TPR: variants seen among roughly 807,000 people sequenced by gnomAD.
The protein encoded by TPR is nucleoprotein TPR.
Under a neutral mutation model 316.1 loss-of-function variants are expected in TPR, and 51 were observed. The ratio of observed to expected loss-of-function variants is 0.16; its 90% CI spans 0.13 to 0.20. The LOEUF (loss-of-function observed/expected upper bound fraction) is 0.20. Ranked by LOEUF, TPR falls within the 10% of genes least tolerant of loss-of-function variation. The pLI is 1.00. For synonymous variants in TPR, 981 were observed against 914.7 expected, an observed-to-expected ratio of 1.07 and a Z score of -1.31; for missense variants, 2,272 against 2,754.8, an observed-to-expected ratio of 0.82 and a Z score of 3.92.
chr1:186,343,184 T>C, intron 27 of TPR, 142 bp downstream of exon 27: 2 of 1,151,976 alleles, frequency 1.7e-6, no homozygotes, highest in Non-Finnish European at 2.4e-6. Flanking sequence ...TATATTAGTG[T>C]TTAACAAATG....
chr1:186,352,592 C>T (rs936864837), intron 18 of TPR, among the ~76,000 whole-genome samples: 1 of 152,092 alleles, frequency 6.6e-6, no homozygotes, highest in Admixed American at 6.6e-5. Context: ...TTTGAAAGCT[C>T]AAAGTACTCA....
At position 186,338,104 on chromosome 1, in the gene TPR, T is replaced by C; in HGVS notation, c.4291A>G (p.Ile1431Val). The change falls in exon 31 of 51, where the codon ATT (isoleucine) becomes GTT (valine). Residue 1431 changes from isoleucine (I) to valine (V), a missense_variant. Coordinates refer to ENST00000367478, the MANE Select transcript of TPR (RefSeq NM_003292.3). ...IIDIQEKVKT[I>V]TQVKKIGRRY... ...CGTCCAATTTTCTTAACTTGAGTAA[T>C]AGTTTTGACTTTTTCTTGGATATCA... is the stretch of plus-strand genomic sequence containing the variant. 1.9e-6 allele frequency: 3 copies of C among 1,612,758 alleles called. No homozygotes were observed. Among genetic ancestry groups the C allele is most frequent in the Non-Finnish European group, 2.5e-6 (3 of 1,179,498 alleles).
intron 37 of TPR, 77 bp from the exon 38 acceptor site, chr1:186,332,420 C>T: frequency 6.8e-7 from 1 of 1,470,068 alleles, no homozygotes; most frequent in Non-Finnish European, 9.3e-7. Context: ...CCAATATGGT[C>T]ACTTAACTAA....
At chr1:186,336,430 T>TA in intron 33 of TPR, 66 bp downstream of exon 33, 5 of 1,454,316 alleles carry the variant, frequency 3.4e-6, no homozygotes, top group Non-Finnish European at 4.8e-6. Context: ...CTATTCCATT[T>TA]AGTTTTAGGC....
At chr1:186,337,625 C>A (rs1658380317) in intron 31 of TPR, among the ~76,000 whole-genome samples, 1 of 151,696 alleles carries the variant, frequency 6.6e-6, no homozygotes, top group Admixed American at 6.6e-5. Context: ...AAATTCCTTA[C>A]CTTCAGGAAT....
At position 186,335,553 on chromosome 1, in the gene TPR, T is replaced by TA. The variant is rs549012305; in HGVS notation, c.4706-11dup. On this transcript the variant is annotated splice_polypyrimidine_tract_variant and intron_variant, in intron 33 of 50. Transcript: ENST00000367478. ...AGCTGATCTTTTACACCTAAAGAAG[T>TA]AACCAGGCGATTATATTAATATTAT... The TA allele has an allele frequency of 3.7e-4, 580 of 1,564,848 alleles. 2 individuals are homozygous for TA. In the African/African-American group the frequency reaches 6.7e-3, roughly 18 times the overall value.
rs1448220109 is a variant in TPR at position 186,345,696 on chromosome 1, A to C, written c.3097T>G (p.Leu1033Val). Residue 1033 changes from leucine to valine, a missense_variant and splice_region_variant, in exon 24 of 51, where the codon TTA becomes GTA. Leu to Val is a conservative substitution (Grantham distance 32). Around this residue, in one of 10 missense-constraint regions of TPR, gnomAD observed 757 missense variants for 859.8 expected, o/e 0.88. Transcript: ENST00000367478. The part of the protein sequence containing the change: ...RRAIESMEQQ[L>V]SELKKTLSSV... The stretch of plus-strand genomic sequence containing the variant: ...GAAAGTGTTTTCTTCAATTCAGATA[A>C]CTAAGCAGAAAGAACAAGATTAAAA... The C allele has an allele frequency of 6.2e-7, 1 of 1,601,768 alleles. No individual in the cohort carries two copies. The highest frequency in any genetic ancestry group is 1.1e-5 in the South Asian group (1 of 90,692).
intron 29 of TPR, among the ~76,000 whole-genome samples, 196 bp from the exon 30 acceptor site, chr1:186,339,968 GA>G (rs555429055): frequency 8.1e-5 from 12 of 148,346 alleles, no homozygotes; most frequent in African/African-American, 3.0e-4. Flanking sequence ...AATACAAGAG[GA>G]AAAAAAAATA....
chr1:186,315,940 C>T (rs1657599619), intron 49 of TPR, among the ~76,000 whole-genome samples: 1 of 149,702 alleles, frequency 6.7e-6, no homozygotes, highest in African/African-American at 2.5e-5. Context: ...TAAATGTCAC[C>T]TTCTCTTAGT....
chr1:186,352,055 C>A lies in TPR; in HGVS notation c.2390G>T (p.Arg797Leu). The A allele has an allele frequency of 6.2e-7, 1 of 1,609,778 alleles. No individual in the cohort carries two copies. Among genetic ancestry groups the A allele is most frequent in the Non-Finnish European group, 8.5e-7 (1 of 1,178,424 alleles). ...EKEMLKLSEV[R>L]LSQQRESLLA... ...CAAAGACTCTCTTTGCTGAGAAAGACGAACTTCAGACAATTTAAGCATTTC... is the reference window on the plus strand; with the variant it reads ...CAAAGACTCTCTTTGCTGAGAAAGAAGAACTTCAGACAATTTAAGCATTTC... Residue 797 changes from arginine to leucine, a missense_variant, in exon 19 of 51, where the codon CGT becomes CTT. Arg to Leu is a moderately radical substitution (Grantham distance 102). Coordinates refer to ENST00000367478, the MANE Select transcript of TPR (RefSeq NM_003292.3).
chr1:186,339,939 G>C (rs1234261453), intron 29 of TPR, among the ~76,000 whole-genome samples, 167 bp from the exon 30 acceptor site: 1 of 151,932 alleles, frequency 6.6e-6, no homozygotes, highest in African/African-American at 2.4e-5. Flanking sequence ...TGGCTTGTTT[G>C]GCTAAGAAGT....
intron 25 of TPR, 71 bp from the exon 26 acceptor site, chr1:186,344,161 G>A (rs76557279): frequency 0.17 from 254,484 of 1,517,644 alleles, 22,761 homozygotes; most frequent in African/African-American, 0.29. Flanking sequence ...TTGGCCAGGC[G>A]CGGTGGCTAA....
chr1:186,352,645 A>G (rs907417326), intron 18 of TPR, among the ~76,000 whole-genome samples: 3 of 152,200 alleles, frequency 2.0e-5, no homozygotes, highest in African/African-American at 7.2e-5. Context: ...GATTCATATA[A>G]ATGATCAATG....
chr1:186,351,612 AT>A (rs1302143063), intron 19 of TPR, 142 bp from the exon 20 acceptor site: 57 of 876,094 alleles, frequency 6.5e-5, no homozygotes, highest in Non-Finnish European at 8.0e-5. Flanking sequence ...TCAAGAAAGT[AT>A]TCTGGTATTT....
intron 48 of TPR, 81 bp from the exon 49 acceptor site, chr1:186,317,681 T>C: frequency 1.5e-6 from 2 of 1,323,098 alleles, no homozygotes; most frequent in Non-Finnish European, 2.1e-6. Context: ...AAATCTATTT[T>C]ATCACTTAAG....
chr1:186,359,834 C>T lies in TPR; in HGVS notation c.1354G>A (p.Ala452Thr). The T allele has an allele frequency of 1.9e-6, 3 of 1,588,908 alleles. No homozygotes were observed. The highest frequency in any genetic ancestry group is 2.6e-6 in the Non-Finnish European group (3 of 1,173,564). The change falls in exon 12 of 51, where the codon GCA becomes ACA. Residue 452 changes from alanine (A) to threonine (T), a missense_variant. This residue lies in a region of TPR where 549 missense variants were observed against 598.6 expected (regional missense o/e 0.92). Coordinates refer to ENST00000367478, the MANE Select transcript of TPR (RefSeq NM_003292.3). The stretch of plus-strand genomic sequence containing the variant: ...TGTTCAAGCTTAACAGATAAACTTG[C>T]TACAGCTTTCTGTGCACGTTCATAT... ...EEYERAQKAV[A>T]SLSVKLEQAM...
At position 186,320,395 on chromosome 1, in the gene TPR, G is replaced by A. The variant is rs1176565528; in HGVS notation, c.6485C>T (p.Pro2162Leu). Residue 2162 changes from proline to leucine, a missense_variant, in exon 46 of 51, where the codon CCT becomes CTT. By Grantham distance (98) the Pro-to-Leu change is moderately conservative. Transcript: ENST00000367478. ...AIHSPQVAGV[P>L]RFRFGPPEDM... is the part of the protein sequence containing the mutation. The stretch of plus-strand genomic sequence containing the variant: ...TTCAGGTGGCCCAAACCGGAATCTA[G>A]GGACACCAGCAACCTGCGGCGAACT... 4 of 1,611,834 alleles carry A rather than the reference G, an allele frequency of 2.5e-6. No homozygotes were observed. Among genetic ancestry groups the A allele is most frequent in the East Asian group, 4.5e-5 (2 of 44,786 alleles).
At chr1:186,354,646 G>A (rs1333708890) in intron 17 of TPR, among the ~76,000 whole-genome samples, 1 of 152,030 alleles carries the variant, frequency 6.6e-6, no homozygotes, top group Non-Finnish European at 1.5e-5. Flanking sequence ...AAACTAACAA[G>A]CATTCAATGA....
rs1015280192 is a variant in TPR, at chr1:186,361,036, A to C, written c.959-131T>G. 3 of 956,248 alleles carry C rather than the reference A, an allele frequency of 3.1e-6. No homozygotes were observed. In the African/African-American group the frequency reaches 5.0e-5, roughly 16 times the overall value. 59.2% of individuals were successfully genotyped at this position (956,248 alleles called of 1,614,324 possible). A position where few individuals can be genotyped will look rare whatever the true frequency, so the allele number is the denominator to read the frequency against. On this transcript the variant is annotated intron_variant, in intron 9 of 50. Transcript: ENST00000367478. Reference sequence around the variant, plus strand: ...TTCTAGAGAGGCTTCAGCTGACAGTATCTATTGAAAGTTCTTGCTCTACTT... The same window carrying C: ...TTCTAGAGAGGCTTCAGCTGACAGTCTCTATTGAAAGTTCTTGCTCTACTT...
Sources: allele counts gnomAD v4.1 joint callset (sites outside exome capture counted in the v4.1 genomes callset), GRCh38; gene constraint gnomAD v4.1.1; regional missense constraint gnomAD v4.1.1; transcripts MANE v1.5; gene names NCBI Gene and HGNC (gene_info 2026-07-23, HGNC 2026-07-21).